GALNT14: variants seen among roughly 807,000 people sequenced by gnomAD.
GALNT14 encodes UDP-GalNAc:polypeptide N-acetylgalactosaminyltransferase 14.
In GALNT14, 60 loss-of-function variants were observed where a neutral mutation model predicts 77.5. The ratio of observed to expected loss-of-function variants is 0.77; its 90% CI spans 0.63 to 0.96. The LOEUF is 0.96. GALNT14 is among the 40% of genes least tolerant of loss of function. The probability of loss-of-function intolerance (pLI) is 0.00; values close to 1 mark genes in which losing one functional copy is unlikely to be tolerated. For missense variants in GALNT14, 710 were observed against 731.0 expected, an observed-to-expected ratio of 0.97 and a Z score of 0.33; for synonymous variants, 280 against 281.7, an observed-to-expected ratio of 0.99 and a Z score of 0.06.
In GALNT14 at chr2:31,094,362, T is replaced by C. The variant is rs553943935; in HGVS notation, c.129+43596A>G. ...ATCCCACCCTTTGCTGACTCTCTTT[T>C]TGGACTTAGTCCACCAGCACCCAGG... is the stretch of plus-strand genomic sequence containing the variant. On this transcript the variant is annotated intron_variant, in intron 1 of 14. Coordinates refer to ENST00000349752, the MANE Select transcript of GALNT14 (RefSeq NM_024572.4). 3.3e-5 allele frequency among the ~76,000 whole-genome samples: 5 copies of C among 152,334 alleles called. No individual in the cohort carries two copies. In the East Asian group the frequency reaches 9.7e-4, roughly 29 times the overall value.
At chr2:31,036,690 T>C (rs993247036) in intron 1 of GALNT14, among the ~76,000 whole-genome samples, 2 of 152,230 alleles carry the variant, frequency 1.3e-5, no homozygotes, top group Non-Finnish European at 2.9e-5. Flanking sequence ...GGGGCAGTTC[T>C]AAAACAATTT....
chr2:30,985,143 T>G (rs374441402), intron 2 of GALNT14, among the ~76,000 whole-genome samples: 3 of 122,436 alleles, frequency 2.5e-5, no homozygotes, highest in African/African-American at 9.0e-5. Context: ...AATGAGCAAA[T>G]GAGTGAGTGA....
intron 6 of GALNT14, among the ~76,000 whole-genome samples, 179 bp downstream of exon 6, chr2:30,955,439 C>CA (rs1359170100): frequency 6.6e-6 from 1 of 152,238 alleles, no homozygotes; most frequent in Non-Finnish European, 1.5e-5. Context: ...CACTGACTGC[C>CA]ATGTGACCTC....
intron 9 of GALNT14, among the ~76,000 whole-genome samples, chr2:30,933,028 C>A (rs567198149): frequency 6.6e-6 from 1 of 152,088 alleles, no homozygotes; most frequent in African/African-American, 2.4e-5. Flanking sequence ...TATTTCTCCC[C>A]GGGACTGTAC....
chr2:31,019,557 C>A (rs1219991816), intron 1 of GALNT14, among the ~76,000 whole-genome samples: 2 of 152,180 alleles, frequency 1.3e-5, no homozygotes, highest in African/African-American at 4.8e-5. Flanking sequence ...ACAACCCAGT[C>A]CTGCACTCAA....
chr2:30,978,079 C>A (rs1668746624), intron 2 of GALNT14, among the ~76,000 whole-genome samples: 1 of 152,202 alleles, frequency 6.6e-6, no homozygotes, highest in African/African-American at 2.4e-5. Flanking sequence ...AGGCCTCCAC[C>A]CTCGTGTTAG....
intron 1 of GALNT14, chr2:31,125,186 G>C (rs2148643869): frequency 6.4e-7 from 1 of 1,550,536 alleles, no homozygotes; most frequent in Non-Finnish European, 8.7e-7. Context: ...GTAGGGAGGA[G>C]TGGGTGATAC....
downstream of GALNT14, among the ~76,000 whole-genome samples, chr2:30,910,251 C>T (rs538329799): frequency 6.6e-6 from 1 of 152,098 alleles, no homozygotes; most frequent in East Asian, 1.9e-4. Context: ...TCCCACTCTC[C>T]TAATTTGACA....
At chr2:30,981,631 C>G (rs536388177) in intron 2 of GALNT14, among the ~76,000 whole-genome samples, 1 of 146,514 alleles carries the variant, frequency 6.8e-6, no homozygotes, top group Admixed American at 7.0e-5. Flanking sequence ...GGGAAGTCTG[C>G]GAGGGGAAAG....
intron 1 of GALNT14, among the ~76,000 whole-genome samples, chr2:31,040,509 A>C (rs965165011): frequency 6.6e-6 from 1 of 152,190 alleles, no homozygotes; most frequent in African/African-American, 2.4e-5. Flanking sequence ...GGCTCTTCTC[A>C]CAGTGCTCTG....
At chr2:30,950,925 G>A (rs994468058) in intron 6 of GALNT14, among the ~76,000 whole-genome samples, 3 of 152,190 alleles carry the variant, frequency 2.0e-5, no homozygotes, top group African/African-American at 4.8e-5. Flanking sequence ...CCACTGGGAT[G>A]GAAAGGGCTT....
intron 1 of GALNT14, among the ~76,000 whole-genome samples, chr2:31,103,318 C>A (rs1677381172): frequency 6.6e-6 from 1 of 151,912 alleles, no homozygotes; most frequent in Non-Finnish European, 1.5e-5. Context: ...CTTATTAACT[C>A]TACATTACAA....
chr2:30,928,848 C>T (rs57976918), intron 11 of GALNT14, among the ~76,000 whole-genome samples: 1,862 of 152,236 alleles, frequency 0.012, 41 homozygotes, highest in East Asian at 0.076. Context: ...GACTCCTGAC[C>T]TTGTGATTCA....
chr2:31,025,420 C>T (rs1352342203), intron 1 of GALNT14, among the ~76,000 whole-genome samples: 1 of 152,066 alleles, frequency 6.6e-6, no homozygotes, highest in African/African-American at 2.4e-5. Context: ...TAGAGGCAGG[C>T]ATAGGGAGAT....
chr2:31,101,430 G>A (rs1677268142), intron 1 of GALNT14, among the ~76,000 whole-genome samples: 1 of 151,948 alleles, frequency 6.6e-6, no homozygotes, highest in Admixed American at 6.5e-5. Context: ...CTAGAACAGA[G>A]TTCTATGCTC....
At chr2:31,075,356 C>T (rs1470275872) in intron 1 of GALNT14, among the ~76,000 whole-genome samples, 4 of 152,198 alleles carry the variant, frequency 2.6e-5, no homozygotes, top group Non-Finnish European at 5.9e-5. Context: ...AAAGCAAAAG[C>T]AAACTAGCAC....
At chr2:31,114,641 G>A (rs1678009532) in intron 1 of GALNT14, 1 of 643,654 alleles carries the variant, frequency 1.6e-6, no homozygotes, top group African/African-American at 1.8e-5. Context: ...TTCGAGAACA[G>A]ACTCTAAAAA....
intron 1 of GALNT14, among the ~76,000 whole-genome samples, chr2:31,022,516 C>T (rs776943454): frequency 2.0e-5 from 3 of 152,164 alleles, no homozygotes; most frequent in Non-Finnish European, 4.4e-5. Flanking sequence ...AATCCCATCC[C>T]ACACAGGGCC....
intron 3 of GALNT14, among the ~76,000 whole-genome samples, chr2:30,961,821 AC>A (rs1453475752): frequency 6.6e-6 from 1 of 152,032 alleles, no homozygotes; most frequent in Non-Finnish European, 1.5e-5. Flanking sequence ...AGCTGGGATT[AC>A]AGGCGCCTGC....
Sources: gnomAD v4.1 joint callset for allele counts (sites outside exome capture counted in the v4.1 genomes callset) on GRCh38, gnomAD v4.1.1 for gene constraint, MANE v1.5 for transcripts, NCBI Gene and HGNC (gene_info 2026-07-23, HGNC 2026-07-21) for gene names.